PTPRM: variants seen among roughly 807,000 people sequenced by gnomAD.
PTPRM encodes the protein protein tyrosine phosphatase receptor type M.
PTPRM carries 47 observed loss-of-function variants against 186.7 expected under a neutral mutation model. The ratio of observed to expected loss-of-function variants is 0.25; its 90% CI spans 0.20 to 0.32. The LOEUF is 0.32. Among genes scored for constraint, PTPRM ranks in the 10% least tolerant of loss-of-function variants. The pLI is 1.00. For synonymous variants in PTPRM, 668 were observed against 674.9 expected (o/e 0.99, Z 0.16); for missense variants, 1,494 against 1,865.0 (o/e 0.80, Z 3.66).
At chr18:8,085,520 A>G (rs1483475609) in intron 9 of PTPRM, 151 bp from the exon 10 acceptor site, 2 of 682,800 alleles carry the variant, frequency 2.9e-6, no homozygotes, top group East Asian at 5.4e-5. Flanking sequence ...GAGTTCCTTC[A>G]TCCCTTCAGT....
intron 14 of PTPRM, among the ~76,000 whole-genome samples, chr18:8,184,808 T>C (rs1429303062): frequency 6.6e-6 from 1 of 152,234 alleles, no homozygotes; most frequent in Non-Finnish European, 1.5e-5. Flanking sequence ...AGTTGTCACC[T>C]ACCACATGAG....
intron 23 of PTPRM, among the ~76,000 whole-genome samples, chr18:8,351,744 TG>T (rs2095535304): frequency 6.6e-6 from 1 of 152,102 alleles, no homozygotes; most frequent in Non-Finnish European, 1.5e-5. Flanking sequence ...AGATTGGCAG[TG>T]TGGCCTGTGA....
At chr18:7,993,959 C>T (rs2083397230) in intron 7 of PTPRM, among the ~76,000 whole-genome samples, 1 of 151,880 alleles carries the variant, frequency 6.6e-6, no homozygotes, top group Non-Finnish European at 1.5e-5. Flanking sequence ...AAGTTCTCAC[C>T]TATTAATAAC....
chr18:8,192,801 T>C (rs2093725997), intron 14 of PTPRM, among the ~76,000 whole-genome samples: 1 of 152,178 alleles, frequency 6.6e-6, no homozygotes, highest in Non-Finnish European at 1.5e-5. Flanking sequence ...GGAGTCACAA[T>C]ATTCACATGA....
chr18:7,573,295 G>A (rs2143370008), intron 1 of PTPRM, among the ~76,000 whole-genome samples: 1 of 152,336 alleles, frequency 6.6e-6, no homozygotes, highest in South Asian at 2.1e-4. Context: ...TGGCAGTTGT[G>A]CAGGTAGATC....
intron 1 of PTPRM, among the ~76,000 whole-genome samples, chr18:7,663,506 C>G (rs1485913023): frequency 6.6e-6 from 1 of 152,156 alleles, no homozygotes; most frequent in Non-Finnish European, 1.5e-5. Context: ...GCACAATCAG[C>G]CACCCCAGAC....
intron 2 of PTPRM, among the ~76,000 whole-genome samples, chr18:7,884,924 C>CAAAAAAAAAAAAAAAAA (rs56724615): frequency 4.0e-4 from 15 of 37,844 alleles, no homozygotes; most frequent in African/African-American, 5.2e-4. Flanking sequence ...AGCTCCATCT[C>CAAAAAAAAAAAAAAAAA]AAAAAAAAAA....
At chr18:8,201,548 G>C (rs1400431380) in intron 14 of PTPRM, among the ~76,000 whole-genome samples, 1 of 152,030 alleles carries the variant, frequency 6.6e-6, no homozygotes, top group Non-Finnish European at 1.5e-5. Flanking sequence ...CGATAGACTG[G>C]GTGGCTTAAA....
intron 14 of PTPRM, among the ~76,000 whole-genome samples, chr18:8,196,386 G>A (rs1295812289): frequency 6.6e-6 from 1 of 152,210 alleles, no homozygotes. Context: ...AGAGAGATGG[G>A]AACAGGAGAG....
At chr18:8,064,201 A>G (rs556336740) in intron 7 of PTPRM, among the ~76,000 whole-genome samples, 2 of 152,298 alleles carry the variant, frequency 1.3e-5, no homozygotes, top group South Asian at 4.1e-4. Context: ...TCTATTTCCC[A>G]GCGAGATGGG....
At chr18:8,075,684 A>G (rs888868190) in intron 8 of PTPRM, among the ~76,000 whole-genome samples, 4 of 152,100 alleles carry the variant, frequency 2.6e-5, no homozygotes, top group African/African-American at 9.6e-5. Context: ...GAAAAATGGC[A>G]TCAAACTTCC....
intron 19 of PTPRM, among the ~76,000 whole-genome samples, chr18:8,264,638 G>A (rs915785195): frequency 1.3e-5 from 2 of 151,928 alleles, no homozygotes; most frequent in African/African-American, 4.8e-5. Context: ...GCGTGGTGGT[G>A]CGCACCTGTA....
intron 1 of PTPRM, among the ~76,000 whole-genome samples, chr18:7,736,960 G>C (rs939940591): frequency 6.6e-6 from 1 of 151,876 alleles, no homozygotes; most frequent in South Asian, 2.1e-4. Flanking sequence ...TTGTGTCACC[G>C]TGCCCAGCTA....
At chr18:8,066,027 A>G (rs556481013) in intron 7 of PTPRM, among the ~76,000 whole-genome samples, 1 of 152,324 alleles carries the variant, frequency 6.6e-6, no homozygotes, top group African/African-American at 2.4e-5. Flanking sequence ...GTAGCACACT[A>G]ATGGAAATCG....
chr18:7,785,122 T>C lies in PTPRM; in HGVS notation c.196+10851T>C, dbSNP rs189814641. Among the ~76,000 whole-genome samples, 850 of 152,052 alleles carry C rather than the reference T, an allele frequency of 5.6e-3. 2 individuals are homozygous for C. Among genetic ancestry groups the C allele is most frequent in the Non-Finnish European group, 8.5e-3 (577 of 67,974 alleles). ...GTAGTTCTAGGGACTGCCAAGTACA[T>C]GGAATGGGAAGAGGAAGAGGTCCAG... On this transcript the variant is annotated intron_variant, in intron 2 of 32. Transcript: ENST00000580170.
intron 14 of PTPRM, among the ~76,000 whole-genome samples, chr18:8,177,053 C>A (rs2093495099): frequency 6.6e-6 from 1 of 152,144 alleles, no homozygotes; most frequent in Non-Finnish European, 1.5e-5. Flanking sequence ...CTTCTGTCAA[C>A]CCCATTTTCT....
chr18:8,132,438 A>G (rs572274526), intron 13 of PTPRM, among the ~76,000 whole-genome samples: 1 of 152,326 alleles, frequency 6.6e-6, no homozygotes, highest in African/African-American at 2.4e-5. Context: ...TGAGTAACAA[A>G]GTCCGAAAAT....
intron 2 of PTPRM, among the ~76,000 whole-genome samples, chr18:7,788,411 G>A (rs901697697): frequency 6.6e-6 from 1 of 152,140 alleles, no homozygotes; most frequent in Non-Finnish European, 1.5e-5. Context: ...AGTATGAGTA[G>A]TATTCATATA....
At chr18:7,828,903 G>A (rs1250190847) in intron 2 of PTPRM, among the ~76,000 whole-genome samples, 2 of 151,942 alleles carry the variant, frequency 1.3e-5, no homozygotes, top group African/African-American at 2.4e-5. Context: ...ATGAATGATG[G>A]CATTATATAA....
Sources: gnomAD v4.1 joint callset for allele counts (sites outside exome capture counted in the v4.1 genomes callset) on GRCh38, gnomAD v4.1.1 for gene constraint, MANE v1.5 for transcripts, NCBI Gene and HGNC (gene_info 2026-07-23, HGNC 2026-07-21) for gene names.